LHFPL4: variants seen among roughly 807,000 people sequenced by gnomAD.
LHFPL4 encodes LHFPL tetraspan subfamily member 4.
In LHFPL4, 6 loss-of-function variants were observed where a neutral mutation model predicts 20.0. The ratio of observed to expected loss-of-function variants is 0.30; its 90% CI spans 0.16 to 0.59. The LOEUF is 0.59. LHFPL4 is among the 20% of genes least tolerant of loss of function. LHFPL4 has a pLI of 0.88. For synonymous variants in LHFPL4, 129 were observed against 143.8 expected (o/e 0.90, Z 0.74); for missense variants, 215 against 331.2 (o/e 0.65, Z 2.72).
chr3:9,543,239 C>T (rs552819304), intron 2 of LHFPL4, among the ~76,000 whole-genome samples: 6 of 152,014 alleles, frequency 3.9e-5, no homozygotes, highest in South Asian at 2.1e-4. Flanking sequence ...TGGTGGCTCA[C>T]GCCTGTAATC....
chr3:9,503,918 C>T (rs1488064846), intron 3 of LHFPL4, among the ~76,000 whole-genome samples: 1 of 152,034 alleles, frequency 6.6e-6, no homozygotes, highest in Non-Finnish European at 1.5e-5. Context: ...CCCAGCCACT[C>T]AGGAGGCTGA....
chr3:9,530,839 C>T (rs1210538114), intron 2 of LHFPL4, among the ~76,000 whole-genome samples: 2 of 152,140 alleles, frequency 1.3e-5, no homozygotes, highest in African/African-American at 2.4e-5. Flanking sequence ...TCAAGAAATC[C>T]TCCTGCCTCA....
chr3:9,502,993 A>AAT (rs749326974), intron 3 of LHFPL4, among the ~76,000 whole-genome samples: 68 of 151,704 alleles, frequency 4.5e-4, no homozygotes, highest in Middle Eastern at 3.4e-3. Flanking sequence ...GTCTTCTTTA[A>AAT]ATATATATAT....
At chr3:9,545,164 G>A (rs963027419) in intron 2 of LHFPL4, among the ~76,000 whole-genome samples, 9 of 151,922 alleles carry the variant, frequency 5.9e-5, no homozygotes, top group African/African-American at 1.9e-4. Context: ...AAGGAGAACA[G>A]AAGAGAGGAA....
chr3:9,546,185 C>T (rs759458442), intron 2 of LHFPL4, among the ~76,000 whole-genome samples: 1 of 150,916 alleles, frequency 6.6e-6, no homozygotes, highest in Non-Finnish European at 1.5e-5. Context: ...TGTGGTGGCA[C>T]GTGCCTGTAA....
At position 9,506,166 on chromosome 3, in the gene LHFPL4, A is replaced by G. The variant is rs765633578; in HGVS notation, c.444T>C (p.Asp148=). The G allele has an allele frequency of 1.2e-6, 2 of 1,614,164 alleles. No homozygotes were observed. Among genetic ancestry groups the G allele is most frequent in the Non-Finnish European group, 8.5e-7 (1 of 1,180,034 alleles). ...CCCGGATGGTCTCGGCATCCCAGCC[A>G]TCAGGAAAGATCATGCAGCCCAGGA... ...CLVLGCMIFP[D]GWDAETIRDM... The change falls in exon 3 of 4, where the codon GAT becomes GAC. Residue 148 remains aspartate (D), a synonymous_variant. Transcript: ENST00000287585. This position sits in a 1 kb window ranked among gnomAD's most constrained non-coding sequence, Gnocchi z 4.5.
intron 3 of LHFPL4, among the ~76,000 whole-genome samples, chr3:9,503,887 G>T (rs1003019654): frequency 6.6e-6 from 1 of 152,064 alleles, no homozygotes; most frequent in African/African-American, 2.4e-5. Flanking sequence ...TTAGTCAGGC[G>T]TGGTGGCGCA....
At position 9,503,328 on chromosome 3, in the gene LHFPL4, C is replaced by T. The variant is rs151183870; in HGVS notation, c.644-1017G>A. Among the ~76,000 whole-genome samples the T allele has an allele frequency of 8.6e-3, 1,311 of 152,322 alleles. 13 individuals carry two copies. The highest frequency in any genetic ancestry group is 0.014 in the Non-Finnish European group (919 of 68,024). ...GGGGCCCACTTCACATCAGTCACAT[C>T]CCCACACCCCTTCTTGAGAAAGGCC... is the stretch of plus-strand genomic sequence containing the variant. On this transcript the variant is annotated intron_variant, in intron 3 of 3. Coordinates refer to ENST00000287585, the MANE Select transcript of LHFPL4 (RefSeq NM_198560.3).
chr3:9,531,970 C>T (rs1244642561), intron 2 of LHFPL4, among the ~76,000 whole-genome samples: 1 of 152,096 alleles, frequency 6.6e-6, no homozygotes, highest in South Asian at 2.1e-4. Context: ...CTTGTGCTAT[C>T]GATGTACTTT....
At chr3:9,522,634 G>A (rs2454462) in intron 2 of LHFPL4, among the ~76,000 whole-genome samples, 71,528 of 151,440 alleles carry the variant, frequency 0.47, 17,379 homozygotes, top group South Asian at 0.57. Context: ...CCAGCTACTC[G>A]GGAGGCTGAG....
chr3:9,538,212 C>G (rs955549764), intron 2 of LHFPL4, among the ~76,000 whole-genome samples: 1 of 152,172 alleles, frequency 6.6e-6, no homozygotes, highest in African/African-American at 2.4e-5. Flanking sequence ...CATCAAGCCT[C>G]CAACTGGTCC....
At chr3:9,522,043 C>T (rs2125660039) in intron 2 of LHFPL4, among the ~76,000 whole-genome samples, 1 of 152,092 alleles carries the variant, frequency 6.6e-6, no homozygotes, top group East Asian at 1.9e-4. Flanking sequence ...ATCAGTTATA[C>T]TTAAAAAAAT....
rs77085453 is a variant in LHFPL4, at chr3:9,552,063, C to T, written c.406+211G>A. On this transcript the variant is annotated intron_variant, in intron 2 of 3. Coordinates refer to ENST00000287585, the MANE Select transcript of LHFPL4 (RefSeq NM_198560.3). ...CCATACCCAAGCATACAGACCCACC[C>T]ACCCAGTCCCAAGGCTCTGTCCCCT... Among the ~76,000 whole-genome samples the T allele has an allele frequency of 6.4e-3, 975 of 152,294 alleles. 5 individuals carry two copies. Among genetic ancestry groups the T allele is most frequent in the African/African-American group, 0.022 (898 of 41,570 alleles).
intron 2 of LHFPL4, 93 bp downstream of exon 2, chr3:9,552,181 G>T (rs2046559354): frequency 6.7e-7 from 1 of 1,485,894 alleles, no homozygotes. Context: ...CAGAGAAGCA[G>T]AATCTATCCG....
intron 2 of LHFPL4, among the ~76,000 whole-genome samples, chr3:9,532,976 G>C (rs1405445981): frequency 6.6e-6 from 1 of 152,192 alleles, no homozygotes; most frequent in Non-Finnish European, 1.5e-5. Context: ...CTGGAGGACA[G>C]TGCGGGGCTG....
intron 2 of LHFPL4, among the ~76,000 whole-genome samples, chr3:9,507,049 A>G (rs550343542): frequency 1.3e-5 from 2 of 152,334 alleles, no homozygotes; most frequent in South Asian, 4.1e-4. Context: ...TTCTTCCCCT[A>G]ACTTGGCTGT....
chr3:9,503,742 T>C lies in LHFPL4; in HGVS notation c.644-1431A>G, dbSNP rs559275381. ...AATACACTAATTATAAAGCATACAA[T>C]GTGCCAGGTAAGGTGGCTCACACCT... On this transcript the variant is annotated intron_variant, in intron 3 of 3. Transcript: ENST00000287585. Among the ~76,000 whole-genome samples the C allele has an allele frequency of 3.9e-5, 6 of 152,180 alleles. No individual in the cohort carries two copies. In the South Asian group the frequency reaches 6.2e-4, roughly 16 times the overall value.
rs987570939 is a variant in LHFPL4 at position 9,501,676 on chromosome 3, G to C, written c.*535C>G. The C allele has an allele frequency of 6.5e-6, 1 of 154,112 alleles. No homozygotes were observed. The highest frequency in any genetic ancestry group is 2.4e-5 in the African/African-American group (1 of 41,398). The allele number at this position is 154,112 out of a possible 1,614,324, so 9.5% of individuals were successfully genotyped here. A position where few individuals can be genotyped will look rare whatever the true frequency, so the allele number is the denominator to read the frequency against. On this transcript the variant is annotated 3_prime_UTR_variant, in exon 4 of 4. Transcript: ENST00000287585. ...CGGAATGGAGCAGAGGAGGTCCCAG[G>C]GGAGACTGGTGGCACCTGGAGCTTT...
chr3:9,512,138 A>G lies in LHFPL4; in HGVS notation c.407-5935T>C, dbSNP rs368608821. On this transcript the variant is annotated intron_variant, in intron 2 of 3. Coordinates refer to ENST00000287585, the MANE Select transcript of LHFPL4 (RefSeq NM_198560.3). ...TAGTAGAGACGGGGTTTCAAGTGTT[A>G]GCCAGGATGGTCTCGATCTCCTGAC... 4.9e-4 allele frequency among the ~76,000 whole-genome samples: 75 copies of G among 152,258 alleles called. No individual in the cohort carries two copies. In the East Asian group the frequency reaches 0.011, roughly 22 times the overall value.
Sources: allele counts gnomAD v4.1 joint callset (sites outside exome capture counted in the v4.1 genomes callset), GRCh38; gene constraint gnomAD v4.1.1; non-coding constraint Gnocchi (gnomAD v3.1); transcripts MANE v1.5; gene names NCBI Gene and HGNC (gene_info 2026-07-23, HGNC 2026-07-21).